WWOX: variants seen among roughly 807,000 people sequenced by gnomAD.
The protein encoded by WWOX is WW domain containing oxidoreductase, also known as WW domain-containing oxidoreductase.
Under a neutral mutation model 46.2 loss-of-function variants are expected in WWOX, and 69 were observed. That is an observed-to-expected ratio of 1.49 (90% confidence interval 1.23 to 1.82). The LOEUF (loss-of-function observed/expected upper bound fraction) is 1.82, where lower values mean the gene tolerates loss of function less well. WWOX is among the 40% of genes most tolerant of loss of function. The pLI is 0.00. For missense variants in WWOX, 919 were observed against 542.6 expected (o/e 1.69, Z -6.89); for synonymous variants, 359 against 202.6 (o/e 1.77, Z -6.56).
intron 4 of WWOX, among the ~76,000 whole-genome samples, chr16:78,140,277 C>T (rs192324341): frequency 6.6e-6 from 1 of 152,312 alleles, no homozygotes; most frequent in Admixed American, 6.5e-5. Flanking sequence ...GAATCTACCA[C>T]AGTGTATCCT....
Position 78,241,562 on chromosome 16 carries a change from C to T in WWOX, c.516+77273C>T, listed in dbSNP as rs1002550564. 4.6e-5 allele frequency among the ~76,000 whole-genome samples: 7 copies of T among 152,198 alleles called. No homozygotes were observed. In the East Asian group the frequency reaches 1.4e-3, roughly 30 times the overall value. Reference sequence around the variant, plus strand: ...CAAGCAATTCTCCTGCCTTAGGCTCCTGAGTGGCTGGGACTACAGGCATGT... The same window carrying T: ...CAAGCAATTCTCCTGCCTTAGGCTCTTGAGTGGCTGGGACTACAGGCATGT... On this transcript the variant is annotated intron_variant, in intron 5 of 8. Transcript: ENST00000566780.
At chr16:78,791,042 G>C (rs1201971259) in intron 8 of WWOX, among the ~76,000 whole-genome samples, 1 of 103,868 alleles carries the variant, frequency 9.6e-6, no homozygotes, top group Non-Finnish European at 2.0e-5. Flanking sequence ...AAAAAAAAAA[G>C]TGAAAAAAAG....
intron 6 of WWOX, among the ~76,000 whole-genome samples, chr16:78,412,876 G>C (rs1040141621): frequency 1.3e-5 from 2 of 152,206 alleles, no homozygotes; most frequent in African/African-American, 2.4e-5. Context: ...AGAGAGACGA[G>C]TGCAACCTGC....
At chr16:78,206,358 A>C (rs74560192) in intron 5 of WWOX, among the ~76,000 whole-genome samples, 2,529 of 152,282 alleles carry the variant, frequency 0.017, 77 homozygotes, top group African/African-American at 0.057. Context: ...AACCATTAGA[A>C]AGGAGGAGGA....
intron 8 of WWOX, among the ~76,000 whole-genome samples, chr16:78,830,815 T>C (rs1367937182): frequency 1.3e-5 from 2 of 152,056 alleles, no homozygotes; most frequent in Non-Finnish European, 2.9e-5. Context: ...TCCTTGCCAC[T>C]GTAAATGACT....
chr16:78,563,144 G>A (rs1284958541), intron 8 of WWOX, among the ~76,000 whole-genome samples: 3 of 152,244 alleles, frequency 2.0e-5, no homozygotes, highest in African/African-American at 2.4e-5. Flanking sequence ...AGAGCAGTGC[G>A]ATTTCTCCAA....
intron 8 of WWOX, among the ~76,000 whole-genome samples, chr16:78,756,321 A>C (rs1004857202): frequency 8.1e-5 from 12 of 148,486 alleles, no homozygotes; most frequent in African/African-American, 2.4e-4. Context: ...TATTTGAAAC[A>C]AACAAAAAAA....
intron 8 of WWOX, among the ~76,000 whole-genome samples, chr16:78,476,098 T>A (rs1597138376): frequency 6.6e-6 from 1 of 152,282 alleles, no homozygotes. Context: ...GTGTTCTAAT[T>A]GTTACCAAAT....
intron 8 of WWOX, among the ~76,000 whole-genome samples, chr16:79,023,236 G>A (rs867365536): frequency 6.6e-6 from 1 of 152,322 alleles, no homozygotes; most frequent in Middle Eastern, 3.4e-3. Context: ...AGGCTGTCAA[G>A]CTGTGTAATA....
At chr16:78,577,048 C>G (rs117388105) in intron 8 of WWOX, among the ~76,000 whole-genome samples, 1 of 152,150 alleles carries the variant, frequency 6.6e-6, no homozygotes, top group Non-Finnish European at 1.5e-5. Flanking sequence ...CCCATTTCAC[C>G]CATCTCATTC....
intron 8 of WWOX, among the ~76,000 whole-genome samples, chr16:78,605,853 T>C (rs1270354169): frequency 2.0e-5 from 3 of 152,136 alleles, no homozygotes; most frequent in African/African-American, 4.8e-5. Flanking sequence ...GTGTTGTTCT[T>C]TTTTTCCAGC....
chr16:78,817,575 C>G (rs566870737), intron 8 of WWOX, among the ~76,000 whole-genome samples: 1 of 152,300 alleles, frequency 6.6e-6, no homozygotes, highest in Admixed American at 6.5e-5. Flanking sequence ...AAGTTGGCTA[C>G]AAAACCTCTC....
At chr16:78,252,571 T>G (rs2038012284) in intron 5 of WWOX, among the ~76,000 whole-genome samples, 1 of 152,248 alleles carries the variant, frequency 6.6e-6, no homozygotes, top group South Asian at 2.1e-4. Context: ...GGCATTTCTT[T>G]TAGCATTTGT....
At chr16:79,066,291 C>T (rs1016810130) in intron 8 of WWOX, among the ~76,000 whole-genome samples, 4 of 152,198 alleles carry the variant, frequency 2.6e-5, no homozygotes, top group African/African-American at 4.8e-5. Context: ...CTGCTTCCTC[C>T]CGCACACTGA....
rs138366536 is a variant in WWOX, at chr16:78,862,087, C to T, written c.1057-349521C>T. Among the ~76,000 whole-genome samples, 907 of 151,988 alleles carry T rather than the reference C, an allele frequency of 6.0e-3. 5 individuals are homozygous for T. Among genetic ancestry groups the T allele is most frequent in the East Asian group, 0.021 (108 of 5,146 alleles). Reference sequence around the variant, plus strand: ...ATATATGCATATCTATACACACCTACGGGTGTGTCTGTATCTATACACACA... The same window carrying T: ...ATATATGCATATCTATACACACCTATGGGTGTGTCTGTATCTATACACACA... On this transcript the variant is annotated intron_variant, in intron 8 of 8. Coordinates refer to ENST00000566780, the MANE Select transcript of WWOX (RefSeq NM_016373.4).
intron 8 of WWOX, among the ~76,000 whole-genome samples, chr16:78,671,444 A>G (rs1030855039): frequency 6.6e-6 from 1 of 152,184 alleles, no homozygotes; most frequent in Non-Finnish European, 1.5e-5. Flanking sequence ...AAAATAAAAC[A>G]TAAATAAATT....
intron 5 of WWOX, among the ~76,000 whole-genome samples, chr16:78,224,580 A>T (rs2036990701): frequency 6.6e-6 from 1 of 152,162 alleles, no homozygotes; most frequent in Admixed American, 6.5e-5. Context: ...GTTGTTGGAC[A>T]TACAGGTTAT....
At chr16:78,942,977 T>G (rs1250559604) in intron 8 of WWOX, among the ~76,000 whole-genome samples, 1 of 152,240 alleles carries the variant, frequency 6.6e-6, no homozygotes, top group Non-Finnish European at 1.5e-5. Context: ...AGTCTTGGAT[T>G]TGTATCAGAT....
intron 8 of WWOX, among the ~76,000 whole-genome samples, chr16:79,021,597 A>T (rs1404417926): frequency 6.6e-6 from 1 of 152,216 alleles, no homozygotes; most frequent in African/African-American, 2.4e-5. Context: ...CGATGTTTGG[A>T]AATAGCTGCG....
Sources: gnomAD v4.1 joint callset for allele counts (sites outside exome capture counted in the v4.1 genomes callset) on GRCh38, gnomAD v4.1.1 for gene constraint, MANE v1.5 for transcripts, NCBI Gene and HGNC (gene_info 2026-07-23, HGNC 2026-07-21) for gene names.